Variants in KIAA1549 observed in about 807,000 individuals in gnomAD.
KIAA1549 encodes the protein UPF0606 protein KIAA1549.
In KIAA1549, 70 loss-of-function variants were observed where a neutral mutation model predicts 156.4. The ratio of observed to expected loss-of-function variants is 0.45; its 90% CI spans 0.37 to 0.55. The LOEUF is 0.55. Among genes scored for constraint, KIAA1549 ranks in the 20% least tolerant of loss-of-function variants. KIAA1549 has a pLI of 0.00. For synonymous variants in KIAA1549, 1,103 were observed against 1,066.4 expected, an observed-to-expected ratio of 1.03 and a Z score of -0.67; for missense variants, 2,428 against 2,540.9, an observed-to-expected ratio of 0.96 and a Z score of 0.96.
chr7:138,876,335 T>C lies in KIAA1549; in HGVS notation c.4345+3203A>G, dbSNP rs183762490. The C allele has an allele frequency of 1.2e-3, 176 of 152,370 alleles. 1 individual carries two copies. The highest frequency in any genetic ancestry group is 4.1e-3 in the African/African-American group (172 of 41,584). 9.4% of individuals were successfully genotyped at this position (152,370 alleles called of 1,614,324 possible). A position where few individuals can be genotyped will look rare whatever the true frequency, so the allele number is the denominator to read the frequency against. On this transcript the variant is annotated intron_variant, in intron 12 of 19. Coordinates refer to ENST00000422774, the MANE Select transcript of KIAA1549 (RefSeq NM_001164665.2). ...TATGTACTCAATCTCATTTAAACTATTTTGCAAACTCTTTTAATTTTTTTA... is the reference window on the plus strand; with the variant it reads ...TATGTACTCAATCTCATTTAAACTACTTTGCAAACTCTTTTAATTTTTTTA...
intron 1 of KIAA1549, among the ~76,000 whole-genome samples, chr7:138,925,114 C>G (rs950317963): frequency 7.9e-5 from 12 of 152,200 alleles, no homozygotes; most frequent in African/African-American, 2.9e-4. Context: ...TGCTGGACGT[C>G]ACAGCGGGAA....
At chr7:138,954,635 T>C (rs528653836) in intron 1 of KIAA1549, among the ~76,000 whole-genome samples, 98 of 152,038 alleles carry the variant, frequency 6.4e-4, no homozygotes, top group African/African-American at 1.9e-3. Flanking sequence ...AACAATGCCA[T>C]AAGCAGTTTT....
At chr7:138,966,045 C>T (rs1236717901) in intron 1 of KIAA1549, among the ~76,000 whole-genome samples, 1 of 152,078 alleles carries the variant, frequency 6.6e-6, no homozygotes, top group Non-Finnish European at 1.5e-5. Flanking sequence ...AACACTGTTC[C>T]CCCCAATACC....
intron 13 of KIAA1549, among the ~76,000 whole-genome samples, chr7:138,870,043 G>GA (rs1237616783): frequency 1.3e-5 from 2 of 151,922 alleles, no homozygotes; most frequent in Non-Finnish European, 2.9e-5. Context: ...TAGAGATGGG[G>GA]TTTCTCTATG....
chr7:138,951,878 G>A (rs929075362), intron 1 of KIAA1549, among the ~76,000 whole-genome samples: 1 of 152,122 alleles, frequency 6.6e-6, no homozygotes, highest in Non-Finnish European at 1.5e-5. Flanking sequence ...TAAAAACTAC[G>A]GAAAGCAACT....
chr7:138,894,376 G>A lies in KIAA1549; in HGVS notation c.3998C>T (p.Pro1333Leu), dbSNP rs751457130. 5.0e-6 allele frequency: 8 copies of A among 1,613,856 alleles called. No individual in the cohort carries two copies. In the East Asian group the frequency reaches 1.8e-4, roughly 36 times the overall value. ...CTGCTGAATGTTGGCCACAGTGTCA[G>A]GCTGAAAGTCTAGCTTGTCTGTGCG... ...LCRTDKLDFQ[P>L]DTVANIQQRQ... Residue 1333 changes from proline to leucine, a missense_variant, in exon 10 of 20, where the codon CCT becomes CTT. Transcript: ENST00000422774.
chr7:138,966,280 GCA>G (rs144935267), intron 1 of KIAA1549, among the ~76,000 whole-genome samples: 1 of 151,170 alleles, frequency 6.6e-6, no homozygotes, highest in African/African-American at 2.4e-5. Flanking sequence ...AAATTTGCAC[GCA>G]CACACACACA....
At chr7:138,894,026 C>T (rs1811612720) in intron 10 of KIAA1549, among the ~76,000 whole-genome samples, 5 of 152,214 alleles carry the variant, frequency 3.3e-5, no homozygotes, top group Admixed American at 3.3e-4. Context: ...GCCAAGCTCA[C>T]GCCACTGCAC....
rs887988655 is a variant in KIAA1549, at chr7:138,833,186, C to T, written c.*4720G>A. On this transcript the variant is annotated 3_prime_UTR_variant, in exon 20 of 20. Transcript: ENST00000422774. ...AAAACTCCACTTGAGCTAAAGTTAG[C>T]GTGGGAGTTAAGACCGGAGTCCTCC... 2.6e-5 allele frequency: 6 copies of T among 232,274 alleles called. No individual in the cohort carries two copies. Among genetic ancestry groups the T allele is most frequent in the African/African-American group, 1.1e-4 (5 of 45,294 alleles). 14.4% of individuals were successfully genotyped at this position (232,274 alleles called of 1,614,324 possible). A position where few individuals can be genotyped will look rare whatever the true frequency, so the allele number is the denominator to read the frequency against.
At chr7:138,929,578 G>C (rs1366931316) in intron 1 of KIAA1549, among the ~76,000 whole-genome samples, 2 of 152,194 alleles carry the variant, frequency 1.3e-5, no homozygotes, top group East Asian at 3.8e-4. Context: ...ATGGCATCTA[G>C]AATGGTGAAC....
chr7:138,871,383 A>C (rs758698049), intron 12 of KIAA1549, 21 bp from the exon 13 acceptor site: 1 of 1,496,204 alleles, frequency 6.7e-7, no homozygotes, highest in Non-Finnish European at 8.9e-7. Context: ...AGGAAAAGCA[A>C]AACACATACA....
chr7:138,857,483 G>A (rs2130359435), intron 16 of KIAA1549, among the ~76,000 whole-genome samples: 1 of 152,258 alleles, frequency 6.6e-6, no homozygotes, highest in Admixed American at 6.5e-5. Context: ...GGTTCATACG[G>A]TAGGATATAT....
rs889494823 is a variant in KIAA1549, at chr7:138,833,433, C to T, written c.*4473G>A. The T allele has an allele frequency of 1.3e-5, 3 of 232,606 alleles. No homozygotes were observed. Among genetic ancestry groups the T allele is most frequent in the Middle Eastern group, 1.3e-3 (1 of 784 alleles). 14.4% of individuals were successfully genotyped at this position (232,606 alleles called of 1,614,324 possible). On this transcript the variant is annotated 3_prime_UTR_variant, in exon 20 of 20. Transcript: ENST00000422774. ...GAACGCTGAACCTGTCCACGGGAAA[C>T]GGGAGACTCCTATAGCACAGAACCG...
At chr7:138,928,880 T>C (rs764240754) in intron 1 of KIAA1549, among the ~76,000 whole-genome samples, 2 of 152,218 alleles carry the variant, frequency 1.3e-5, no homozygotes, top group Non-Finnish European at 2.9e-5. Context: ...GTTGTGCACA[T>C]GTACCCTAGA....
intron 16 of KIAA1549, among the ~76,000 whole-genome samples, chr7:138,853,273 AT>A (rs2130351483): frequency 6.6e-6 from 1 of 152,342 alleles, no homozygotes; most frequent in South Asian, 2.1e-4. Flanking sequence ...CTGAATTAGT[AT>A]TTTGAGTTAA....
intron 1 of KIAA1549, among the ~76,000 whole-genome samples, chr7:138,940,535 T>C (rs983586078): frequency 1.1e-4 from 16 of 151,766 alleles, no homozygotes; most frequent in Middle Eastern, 6.8e-3. Context: ...TACCCAGTAA[T>C]GGGATGGCTG....
At position 138,833,446 on chromosome 7, in the gene KIAA1549, T is replaced by C. The variant is rs1447837736; in HGVS notation, c.*4460A>G. 1.7e-5 allele frequency: 4 copies of C among 232,640 alleles called. No homozygotes were observed. Among genetic ancestry groups the C allele is most frequent in the African/African-American group, 8.8e-5 (4 of 45,316 alleles). 14.4% of individuals were successfully genotyped at this position (232,640 alleles called of 1,614,324 possible). A position where few individuals can be genotyped will look rare whatever the true frequency, so the allele number is the denominator to read the frequency against. ...GTCCACGGGAAACGGGAGACTCCTA[T>C]AGCACAGAACCGCGTGCTGGCTTTA... is the stretch of plus-strand genomic sequence containing the variant. On this transcript the variant is annotated 3_prime_UTR_variant, in exon 20 of 20. Transcript: ENST00000422774.
chr7:138,847,228 C>T (rs1810104229), intron 17 of KIAA1549, among the ~76,000 whole-genome samples: 1 of 152,150 alleles, frequency 6.6e-6, no homozygotes, highest in Non-Finnish European at 1.5e-5. Flanking sequence ...ATTTATCATC[C>T]ACACCACAAC....
At position 138,921,525 on chromosome 7, in the gene KIAA1549, C is replaced by A. The variant is rs1164216489; in HGVS notation, c.188-2087G>T. Among the ~76,000 whole-genome samples, 5 of 151,840 alleles carry A rather than the reference C, an allele frequency of 3.3e-5. No individual in the cohort carries two copies. In the South Asian group the frequency reaches 8.3e-4, roughly 25 times the overall value. The stretch of plus-strand genomic sequence containing the variant: ...TGTAATTAGCTGAGATGCGGTCATA[C>A]TGAAGTAGGGTGGGTCCCTCATCTA... On this transcript the variant is annotated intron_variant, in intron 1 of 19. Coordinates refer to ENST00000422774, the MANE Select transcript of KIAA1549 (RefSeq NM_001164665.2).
Sources: allele counts gnomAD v4.1 joint callset (sites outside exome capture counted in the v4.1 genomes callset), GRCh38; gene constraint gnomAD v4.1.1; transcripts MANE v1.5; gene names NCBI Gene and HGNC (gene_info 2026-07-23, HGNC 2026-07-21).